Variants in RBFOX1 observed in about 807,000 individuals in gnomAD.
The protein encoded by RBFOX1 is RNA binding fox-1 homolog 1, also known as RNA binding protein fox-1 homolog 1.
Under a neutral mutation model 57.7 loss-of-function variants are expected in RBFOX1, and 8 were observed. The observed-to-expected ratio is 0.14, with a 90% CI of 0.08 to 0.25. RBFOX1 has a LOEUF of 0.25. Among genes scored for constraint, RBFOX1 ranks in the 10% least tolerant of loss-of-function variants. The pLI, the probability that RBFOX1 is intolerant of heterozygous loss-of-function variation, is 1.00. For missense variants in RBFOX1, 611 were observed against 548.5 expected, an observed-to-expected ratio of 1.11 and a Z score of -1.14; for synonymous variants, 326 against 222.4, an observed-to-expected ratio of 1.47 and a Z score of -4.15.
At chr16:5,667,148 G>T (rs73514570) in intron 3 of RBFOX1, among the ~76,000 whole-genome samples, 4 of 151,760 alleles carry the variant, frequency 2.6e-5, no homozygotes, top group Non-Finnish European at 5.9e-5. Flanking sequence ...CAGTGTTTTT[G>T]TTGTTGCTTA....
At chr16:6,878,777 A>G (rs894897925) in intron 3 of RBFOX1, among the ~76,000 whole-genome samples, 3 of 152,232 alleles carry the variant, frequency 2.0e-5, no homozygotes, top group Admixed American at 2.0e-4. Context: ...ATCTGCAGAA[A>G]TTTTAAAAAG....
At chr16:6,726,753 T>C (rs1270126906) in intron 3 of RBFOX1, among the ~76,000 whole-genome samples, 1 of 152,082 alleles carries the variant, frequency 6.6e-6, no homozygotes, top group Non-Finnish European at 1.5e-5. Flanking sequence ...AAAACTTGTG[T>C]CTTTGAATAT....
chr16:6,388,894 C>T (rs1474204325), intron 2 of RBFOX1, among the ~76,000 whole-genome samples: 4 of 152,152 alleles, frequency 2.6e-5, no homozygotes, highest in Admixed American at 2.6e-4. Context: ...CTCACAGAAG[C>T]AGAGAGTAGA....
At chr16:5,617,535 A>G (rs2048071982) in intron 3 of RBFOX1, among the ~76,000 whole-genome samples, 1 of 152,232 alleles carries the variant, frequency 6.6e-6, no homozygotes, top group Non-Finnish European at 1.5e-5. Context: ...CGTCCATTGA[A>G]GTCCAGAAAT....
At chr16:7,018,424 T>G (rs2094024450) in intron 3 of RBFOX1, among the ~76,000 whole-genome samples, 1 of 152,200 alleles carries the variant, frequency 6.6e-6, no homozygotes, top group Non-Finnish European at 1.5e-5. Context: ...TGTTCATGAA[T>G]ATTGTCTTAA....
chr16:5,867,781 G>A (rs368068228), intron 4 of RBFOX1, among the ~76,000 whole-genome samples: 48 of 151,944 alleles, frequency 3.2e-4, no homozygotes, highest in African/African-American at 1.1e-3. Context: ...GCATGATGTC[G>A]GCTCACTGCA....
At chr16:6,903,420 C>T (rs1029951896) in intron 3 of RBFOX1, among the ~76,000 whole-genome samples, 8 of 152,124 alleles carry the variant, frequency 5.3e-5, no homozygotes, top group South Asian at 2.1e-4. Context: ...TTAAAATTGA[C>T]GAAAGATCCG....
chr16:7,147,403 A>G (rs2075242421), intron 4 of RBFOX1, among the ~76,000 whole-genome samples: 1 of 151,868 alleles, frequency 6.6e-6, no homozygotes, highest in African/African-American at 2.4e-5. Context: ...TTTGGTAGAC[A>G]AATGATCCTG....
rs114789245 is a variant in RBFOX1 at position 5,585,841 on chromosome 16, A to G, written c.259-13061A>G. On this transcript the variant is annotated intron_variant, in intron 2 of 2. Coordinates refer to the RBFOX1 transcript ENST00000585867. ...CAACCTGATTCGTGTGAAGTAGAAC[A>G]AAATTCTTGGCATTTTTTTTGGTGT... Among the ~76,000 whole-genome samples the G allele has an allele frequency of 2.6e-3, 402 of 152,348 alleles. 3 individuals carry two copies. The highest frequency in any genetic ancestry group is 9.3e-3 in the African/African-American group (385 of 41,584).
intron 9 of RBFOX1, among the ~76,000 whole-genome samples, chr16:7,604,929 C>T (rs1167353833): frequency 6.6e-6 from 1 of 152,092 alleles, no homozygotes; most frequent in Non-Finnish European, 1.5e-5. Context: ...GAGGTAGGAG[C>T]ATCAGTAGAG....
intron 4 of RBFOX1, among the ~76,000 whole-genome samples, chr16:7,150,717 C>G (rs12448051): frequency 0.32 from 48,982 of 152,120 alleles, 9,626 homozygotes; most frequent in Admixed American, 0.45. Context: ...TGGATATCAG[C>G]TGTTAACTTT....
intron 3 of RBFOX1, among the ~76,000 whole-genome samples, chr16:5,706,680 C>G (rs4517802): frequency 0.015 from 2,326 of 152,200 alleles, 80 homozygotes; most frequent in East Asian, 0.12. Flanking sequence ...ATATTTATGT[C>G]TTTCCTAAAG....
chr16:6,120,203 A>C (rs898059275), intron 1 of RBFOX1, among the ~76,000 whole-genome samples: 14 of 152,162 alleles, frequency 9.2e-5, no homozygotes, highest in Non-Finnish European at 2.1e-4. Context: ...CGTTGTTTTC[A>C]TTATTTCCTT....
In RBFOX1 at chr16:7,333,015, A is replaced by T. The variant is rs762273975; in HGVS notation, c.28-185132A>T. On this transcript the variant is annotated intron_variant, in intron 4 of 15. Transcript: ENST00000550418. ...TCTACGTAAAGCATGCTGGCGTCTC[A>T]AGGAGTTCTCCTGCATCCTTATGGC... 3.1e-6 allele frequency: 5 copies of T among 1,613,584 alleles called. No homozygotes were observed. The East Asian group carries it at 1.1e-4, about 36-fold the overall frequency.
chr16:6,674,275 A>G (rs141524919), intron 3 of RBFOX1, among the ~76,000 whole-genome samples: 3 of 152,176 alleles, frequency 2.0e-5, no homozygotes, highest in African/African-American at 7.2e-5. Flanking sequence ...GTCATCCTGG[A>G]TTGGAGCAGT....
rs149990923 is a variant in RBFOX1, at chr16:5,743,969, T to A, written c.319-123334T>A. Among the ~76,000 whole-genome samples, 989 of 152,326 alleles carry A rather than the reference T, an allele frequency of 6.5e-3. 12 individuals carry two copies. The highest frequency in any genetic ancestry group is 0.022 in the African/African-American group (931 of 41,568). On this transcript the variant is annotated intron_variant, in intron 3 of 19. Transcript: ENST00000641259. ...CTATGCTGACAGCATCTATGTAGGT[T>A]GTTTGCATCCTTTCCCTTCAAAGGA...
At chr16:7,188,208 G>C (rs1458894446) in intron 4 of RBFOX1, among the ~76,000 whole-genome samples, 1 of 152,202 alleles carries the variant, frequency 6.6e-6, no homozygotes, top group Non-Finnish European at 1.5e-5. Flanking sequence ...AACACTCCCT[G>C]AGCCTGTGTG....
At chr16:5,263,492 A>G (rs980148430) in intron 1 of RBFOX1, among the ~76,000 whole-genome samples, 4 of 152,180 alleles carry the variant, frequency 2.6e-5, no homozygotes, top group Non-Finnish European at 4.4e-5. Flanking sequence ...GTGGAGACTT[A>G]AGTATGATTA....
intron 3 of RBFOX1, among the ~76,000 whole-genome samples, chr16:6,803,066 T>TTG (rs891493979): frequency 6.6e-6 from 1 of 152,160 alleles, no homozygotes; most frequent in Non-Finnish European, 1.5e-5. Flanking sequence ...AAATGTTACT[T>TTG]TGTGTGTGTG....
Sources: allele counts gnomAD v4.1 joint callset (sites outside exome capture counted in the v4.1 genomes callset), GRCh38; gene constraint gnomAD v4.1.1; transcripts MANE v1.5; gene names NCBI Gene and HGNC (gene_info 2026-07-23, HGNC 2026-07-21).